Variants in CEP112 observed in about 807,000 individuals in gnomAD.
The protein encoded by CEP112 is centrosomal protein 112.
Under a neutral mutation model 153.0 loss-of-function variants are expected in CEP112, and 127 were observed. The ratio of observed to expected loss-of-function variants is 0.83; its 90% confidence interval spans 0.72 to 0.96. CEP112 has a LOEUF of 0.96. Ranked by LOEUF, CEP112 falls within the 40% of genes least tolerant of loss-of-function variation. CEP112 has a pLI of 0.00. For synonymous variants in CEP112, 358 were observed against 374.4 expected (o/e 0.96, Z 0.51); for missense variants, 1,089 against 1,101.2 (o/e 0.99, Z 0.16).
At chr17:65,888,419 G>A (rs2059357864) in intron 20 of CEP112, among the ~76,000 whole-genome samples, 1 of 151,950 alleles carries the variant, frequency 6.6e-6, no homozygotes, top group Non-Finnish European at 1.5e-5. Flanking sequence ...TTAGCGCAGT[G>A]ACTGCTACAC....
At chr17:66,031,648 G>A (rs1011944945) in intron 12 of CEP112, among the ~76,000 whole-genome samples, 4 of 151,884 alleles carry the variant, frequency 2.6e-5, no homozygotes, top group African/African-American at 4.8e-5. Flanking sequence ...TTTTGGTAGC[G>A]ATGGGGTCTC....
At chr17:65,660,351 G>GTTCCTTCCTCCCTCCCTCCC (rs2046304283) in intron 24 of CEP112, among the ~76,000 whole-genome samples, 1 of 65,090 alleles carries the variant, frequency 1.5e-5, no homozygotes, top group African/African-American at 6.8e-5. Context: ...TTTCTCTCTC[G>GTTCCTTCCTCCCTCCCTCCC]TTCCTTCCTC....
At chr17:65,975,278 G>T (rs529250607) in intron 17 of CEP112, among the ~76,000 whole-genome samples, 2 of 152,134 alleles carry the variant, frequency 1.3e-5, no homozygotes, top group East Asian at 3.9e-4. Flanking sequence ...ACAGTCAGAG[G>T]GTAATAAAAC....
chr17:66,071,023 A>G (rs1444984904), intron 8 of CEP112, among the ~76,000 whole-genome samples: 1 of 152,206 alleles, frequency 6.6e-6, no homozygotes, highest in Non-Finnish European at 1.5e-5. Flanking sequence ...ATGCAAAAAT[A>G]TCAGTCAACC....
Position 66,175,062 on chromosome 17 carries a change from G to A in CEP112, c.452C>T (p.Ser151Leu), listed in dbSNP as rs773152011. Residue 151 changes from serine (S) to leucine (L), a missense_variant, in exon 4 of 27, where the codon TCG (serine) becomes TTG (leucine). Physicochemically the swap from Ser to Leu is moderately radical, Grantham distance 145. Coordinates refer to ENST00000535342, the MANE Select transcript of CEP112 (RefSeq NM_001199165.4). ...SSGEDNTLVQ[S>L]PTDVYSREQY... Reference sequence around the variant, plus strand: ...TACATACCTGTAGACATCAGTTGGCGACTGTACTAAAGTGTTATCTTCTCC... The same window carrying A: ...TACATACCTGTAGACATCAGTTGGCAACTGTACTAAAGTGTTATCTTCTCC... 12 of 1,603,250 alleles carry A rather than the reference G, an allele frequency of 7.5e-6. No homozygotes were observed. The highest frequency in any genetic ancestry group is 2.3e-5 in the East Asian group (1 of 44,438).
intron 23 of CEP112, among the ~76,000 whole-genome samples, chr17:65,722,593 G>A (rs2049951907): frequency 6.6e-6 from 1 of 152,148 alleles, no homozygotes; most frequent in Non-Finnish European, 1.5e-5. Flanking sequence ...TCAAGATTCT[G>A]TTAATCAATG....
intron 17 of CEP112, among the ~76,000 whole-genome samples, chr17:65,972,248 G>C (rs1338307445): frequency 2.6e-5 from 4 of 152,198 alleles, no homozygotes; most frequent in African/African-American, 7.2e-5. Flanking sequence ...AAAGATATCT[G>C]GGAAATCCCC....
At chr17:66,059,991 G>A (rs906273510) in intron 11 of CEP112, among the ~76,000 whole-genome samples, 3 of 151,876 alleles carry the variant, frequency 2.0e-5, no homozygotes, top group Admixed American at 1.3e-4. Flanking sequence ...CATGTCCTTC[G>A]CAGCAATGTG....
intron 19 of CEP112, among the ~76,000 whole-genome samples, chr17:65,911,967 G>A (rs1025674375): frequency 1.1e-4 from 16 of 152,086 alleles, no homozygotes; most frequent in African/African-American, 3.6e-4. Flanking sequence ...AGCTCCCTTC[G>A]GGGGGAATAT....
At chr17:65,717,130 C>G (rs188120287) in intron 23 of CEP112, among the ~76,000 whole-genome samples, 9 of 152,182 alleles carry the variant, frequency 5.9e-5, no homozygotes, top group Non-Finnish European at 8.8e-5. Context: ...ACTTTTATGA[C>G]TGGGCTCTCA....
intron 24 of CEP112, chr17:65,661,721 G>C (rs1411864539): frequency 6.6e-6 from 1 of 152,140 alleles, no homozygotes; most frequent in East Asian, 1.9e-4. Context: ...CCAATGTAAA[G>C]ACATTTTTGC....
At chr17:65,689,498 T>A (rs550994089) in intron 23 of CEP112, among the ~76,000 whole-genome samples, 1 of 152,318 alleles carries the variant, frequency 6.6e-6, no homozygotes, top group Middle Eastern at 3.4e-3. Context: ...ACCACAAGCA[T>A]GTAATAAAGC....
chr17:65,816,940 C>A (rs755439386), intron 21 of CEP112, among the ~76,000 whole-genome samples: 1 of 151,834 alleles, frequency 6.6e-6, no homozygotes. Context: ...TTCATTATTC[C>A]TAAACTAATT....
At chr17:65,853,469 G>A (rs1261013944) in intron 20 of CEP112, among the ~76,000 whole-genome samples, 1 of 152,114 alleles carries the variant, frequency 6.6e-6, no homozygotes. Context: ...AGTGACTCAT[G>A]TCTGTAATCC....
At chr17:65,649,221 C>G (rs1202339709) in intron 24 of CEP112, among the ~76,000 whole-genome samples, 4 of 152,184 alleles carry the variant, frequency 2.6e-5, no homozygotes, top group African/African-American at 4.8e-5. Context: ...TCTGTGCAAT[C>G]AGCTTAGGCA....
intron 23 of CEP112, among the ~76,000 whole-genome samples, chr17:65,727,801 A>C (rs549746788): frequency 4.6e-4 from 70 of 152,342 alleles, no homozygotes; most frequent in Non-Finnish European, 2.4e-4. Context: ...GCTTCTGGGA[A>C]TCATCTCTAT....
At chr17:66,054,479 T>C (rs2066591589) in intron 11 of CEP112, among the ~76,000 whole-genome samples, 1 of 152,206 alleles carries the variant, frequency 6.6e-6, no homozygotes, top group Non-Finnish European at 1.5e-5. Flanking sequence ...ATAAAAATCA[T>C]TATGTATATA....
At chr17:65,969,545 A>G (rs1272579104) in intron 17 of CEP112, among the ~76,000 whole-genome samples, 2 of 152,000 alleles carry the variant, frequency 1.3e-5, no homozygotes, top group Admixed American at 1.3e-4. Flanking sequence ...TGTTACTTAA[A>G]TGAATATTGT....
At chr17:65,688,311 A>C (rs2047918880) in intron 24 of CEP112, 1 of 152,116 alleles carries the variant, frequency 6.6e-6, no homozygotes. Flanking sequence ...CATACTCAAC[A>C]CTCCATTTCC....
Sources: gnomAD v4.1 joint callset for allele counts (sites outside exome capture counted in the v4.1 genomes callset) on GRCh38, gnomAD v4.1.1 for gene constraint, MANE v1.5 for transcripts, NCBI Gene and HGNC (gene_info 2026-07-23, HGNC 2026-07-21) for gene names.